Variants in ATXN1 observed in about 807,000 individuals in gnomAD.
The protein encoded by ATXN1 is ataxin 1, also known as ataxin-1.
In ATXN1, 8 loss-of-function variants were observed where a neutral mutation model predicts 56.4. That is an observed-to-expected ratio of 0.14 (90% CI 0.08 to 0.26). The LOEUF is 0.26. ATXN1 is among the 10% of genes least tolerant of loss of function. ATXN1 has a pLI of 1.00. For synonymous variants in ATXN1, 514 were observed against 494.6 expected (o/e 1.04, Z -0.52); for missense variants, 987 against 1,106.5 (o/e 0.89, Z 1.53).
intron 3 of ATXN1, among the ~76,000 whole-genome samples, chr6:16,650,028 G>A (rs1317888914): frequency 2.0e-5 from 3 of 151,880 alleles, no homozygotes; most frequent in Non-Finnish European, 2.9e-5. Flanking sequence ...AACTTTCTGG[G>A]CTCAAGAAAT....
At chr6:16,635,436 C>G (rs888202657) in intron 3 of ATXN1, among the ~76,000 whole-genome samples, 2 of 152,186 alleles carry the variant, frequency 1.3e-5, no homozygotes, top group Admixed American at 6.5e-5. Context: ...TCCATGAAAC[C>G]AGTCCCTGGT....
chr6:16,330,960 T>C (rs972996200), intron 6 of ATXN1, among the ~76,000 whole-genome samples: 4 of 151,732 alleles, frequency 2.6e-5, no homozygotes, highest in Non-Finnish European at 5.9e-5. Context: ...GCTGAAGAAA[T>C]GAAGTGTTGA....
At chr6:16,530,950 T>C (rs1184467332) in intron 4 of ATXN1, among the ~76,000 whole-genome samples, 2 of 152,184 alleles carry the variant, frequency 1.3e-5, no homozygotes, top group South Asian at 2.1e-4. Flanking sequence ...AAACATACCA[T>C]ATAAACTCTT....
chr6:16,358,959 C>A lies in ATXN1; in HGVS notation c.-160-30489G>T, dbSNP rs544211415. 2.2e-4 allele frequency among the ~76,000 whole-genome samples: 34 copies of A among 152,318 alleles called. 1 individual carries two copies. The South Asian group carries it at 7.0e-3, about 32-fold the overall frequency. ...CCCTTCCGAGTTGTCAGGGCGGGAG[C>A]TCCCGGGTGCAGCTGTGGCCAACCC... On this transcript the variant is annotated intron_variant, in intron 6 of 7. Coordinates refer to ENST00000436367, the MANE Select transcript of ATXN1 (RefSeq NM_001128164.2).
At chr6:16,334,445 A>T (rs1405317963) in intron 6 of ATXN1, among the ~76,000 whole-genome samples, 1 of 152,174 alleles carries the variant, frequency 6.6e-6, no homozygotes, top group African/African-American at 2.4e-5. Context: ...CATTAAAAAA[A>T]ATATAATGTT....
At chr6:16,391,110 C>T (rs903543287) in intron 6 of ATXN1, among the ~76,000 whole-genome samples, 3 of 139,736 alleles carry the variant, frequency 2.1e-5, no homozygotes, top group East Asian at 2.0e-4. Flanking sequence ...TGCAGTGAGC[C>T]GAGATTGCGT....
At chr6:16,537,909 C>A (rs1049138799) in intron 4 of ATXN1, among the ~76,000 whole-genome samples, 5 of 151,954 alleles carry the variant, frequency 3.3e-5, no homozygotes, top group Non-Finnish European at 7.4e-5. Flanking sequence ...TTGAGACCAG[C>A]CTGGCCATCA....
At chr6:16,369,328 A>G (rs1761991276) in intron 6 of ATXN1, among the ~76,000 whole-genome samples, 2 of 152,236 alleles carry the variant, frequency 1.3e-5, no homozygotes. Flanking sequence ...GATATCCAAC[A>G]GAGGTTCTTC....
chr6:16,484,994 C>G (rs1459198342), intron 6 of ATXN1: 1 of 100,328 alleles, frequency 1.0e-5, no homozygotes, highest in African/African-American at 3.4e-5. Context: ...TGTGTGTGTA[C>G]ACGCACACAC....
intron 2 of ATXN1, among the ~76,000 whole-genome samples, chr6:16,710,429 G>T (rs1412641512): frequency 6.6e-6 from 1 of 151,972 alleles, no homozygotes; most frequent in African/African-American, 2.4e-5. Context: ...CTTTTTTGGG[G>T]GGTAGGGGGA....
At chr6:16,368,343 C>CTTTTTTTTTTTTTT (rs10527935) in intron 6 of ATXN1, among the ~76,000 whole-genome samples, 1 of 75,872 alleles carries the variant, frequency 1.3e-5, no homozygotes. Context: ...ACTTCTTCTT[C>CTTTTTTTTTTTTTT]TTTTTTTTTT....
At chr6:16,761,265 G>A (rs758054402) in intron 1 of ATXN1, 33 bp downstream of exon 1, 167 of 439,754 alleles carry the variant, frequency 3.8e-4, no homozygotes, top group Non-Finnish European at 8.3e-5. Context: ...AGGGGGGAAA[G>A]AATCGGAGGA....
At position 16,739,751 on chromosome 6, in the gene ATXN1, T is replaced by C. The variant is rs541246463; in HGVS notation, c.-615+13482A>G. 5 of 446,164 alleles carry C rather than the reference T, an allele frequency of 1.1e-5. No homozygotes were observed. The East Asian group carries it at 2.8e-4, about 25-fold the overall frequency. 27.6% of individuals were successfully genotyped at this position (446,164 alleles called of 1,614,324 possible). On this transcript the variant is annotated intron_variant, in intron 2 of 7. Transcript: ENST00000436367. ...GGGATGTCGTCCAAGAGGAGGTCTC[T>C]GAAGCTGGGTGTCATCCTTTAGGGT...
chr6:16,623,196 A>G (rs1763349592), intron 3 of ATXN1, among the ~76,000 whole-genome samples: 1 of 152,236 alleles, frequency 6.6e-6, no homozygotes, highest in Non-Finnish European at 1.5e-5. Flanking sequence ...CGTGGTATAC[A>G]GTACAGAAGT....
intron 6 of ATXN1, among the ~76,000 whole-genome samples, chr6:16,406,875 T>C (rs184965405): frequency 6.6e-6 from 1 of 152,218 alleles, no homozygotes; most frequent in East Asian, 1.9e-4. Context: ...AAACTGGACA[T>C]AGCAGTAGGG....
intron 1 of ATXN1, among the ~76,000 whole-genome samples, chr6:16,753,765 A>C (rs1760797638): frequency 6.6e-6 from 1 of 152,236 alleles, no homozygotes; most frequent in Non-Finnish European, 1.5e-5. Context: ...ATTATCTATC[A>C]ACATGCAACT....
intron 2 of ATXN1, among the ~76,000 whole-genome samples, chr6:16,721,029 T>C (rs1206705736): frequency 1.3e-5 from 2 of 152,212 alleles, no homozygotes; most frequent in Admixed American, 6.5e-5. Flanking sequence ...AGATTTGTGC[T>C]TGACACACCC....
rs189205584 is a variant in ATXN1 at position 16,622,390 on chromosome 6, G to A, written c.-489+35386C>T. On this transcript the variant is annotated intron_variant, in intron 3 of 7. Transcript: ENST00000436367. Reference sequence around the variant, plus strand: ...CATGGTGGTGGTGGTGGTGGTTGGTGGTGGTCTCATAACGATAACCAAACA... The same window carrying A: ...CATGGTGGTGGTGGTGGTGGTTGGTAGTGGTCTCATAACGATAACCAAACA... 6.6e-5 allele frequency among the ~76,000 whole-genome samples: 10 copies of A among 152,224 alleles called. 1 individual carries two copies. The highest frequency in any genetic ancestry group is 5.9e-4 in the Admixed American group (9 of 15,288).
chr6:16,751,316 T>G (rs964044003), intron 2 of ATXN1, among the ~76,000 whole-genome samples: 1 of 152,134 alleles, frequency 6.6e-6, no homozygotes, highest in African/African-American at 2.4e-5. Context: ...TTAAGAGGCT[T>G]ACCTTTGCAT....
Sources: gnomAD v4.1 joint callset for allele counts (sites outside exome capture counted in the v4.1 genomes callset) on GRCh38, gnomAD v4.1.1 for gene constraint, MANE v1.5 for transcripts, NCBI Gene and HGNC (gene_info 2026-07-23, HGNC 2026-07-21) for gene names.